The following CREBBP variants were observed in gnomAD, a reference collection of about 807,000 sequenced individuals.
The protein encoded by CREBBP is CREB binding lysine acetyltransferase.
A neutral mutation model predicts 265.0 loss-of-function variants in CREBBP; 19 were observed. The observed-to-expected ratio is 0.07, with a 90% CI of 0.05 to 0.11. The LOEUF (loss-of-function observed/expected upper bound fraction) is 0.11, where lower values mean the gene tolerates loss of function less well. CREBBP is among the 10% of genes least tolerant of loss of function. CREBBP has a pLI of 1.00. For synonymous variants in CREBBP, 1,457 were observed against 1,223.7 expected (o/e 1.19, Z -3.98); for missense variants, 2,525 against 3,219.0 (o/e 0.78, Z 5.22).
In CREBBP at chr16:3,770,724, G is replaced by A. The variant is rs757905988; in HGVS notation, c.2726C>T (p.Ala909Val). The A allele has an allele frequency of 1.2e-5, 20 of 1,614,004 alleles. No individual in the cohort carries two copies. ...PTPTPGSVPS[A>V]TQTQSTPTVQ... ...TGTAGGGGTGCTCTGGGTTTGGGTA[G>A]CACTGGGCACTGAGCCAGGAGTCGG... Residue 909 changes from alanine to valine, a missense_variant, in exon 14 of 31, where the codon GCT (alanine) becomes GTT (valine). Physicochemically the swap from Ala to Val is moderately conservative, Grantham distance 64 (BLOSUM62 0). This residue lies in a region of CREBBP where 548 missense variants were observed against 533.0 expected (regional missense o/e 1.03). Coordinates refer to ENST00000262367, the MANE Select transcript of CREBBP (RefSeq NM_004380.3).
chr16:3,866,594 ATTTT>A (rs923359817), intron 1 of CREBBP, among the ~76,000 whole-genome samples: 3 of 152,166 alleles, frequency 2.0e-5, no homozygotes, highest in South Asian at 2.1e-4. Flanking sequence ...TTTGTTTTGA[ATTTT>A]TTTAACTAGT....
chr16:3,737,620 G>A (rs897824121), intron 26 of CREBBP, among the ~76,000 whole-genome samples: 3 of 151,556 alleles, frequency 2.0e-5, no homozygotes, highest in Non-Finnish European at 2.9e-5. Flanking sequence ...CCGCCACCAC[G>A]CCTGGCTCAT....
chr16:3,810,402 C>CTCTCCTGTTGCTAG (rs1312510019), intron 3 of CREBBP, among the ~76,000 whole-genome samples: 3 of 151,958 alleles, frequency 2.0e-5, no homozygotes, highest in African/African-American at 7.3e-5. Context: ...GCTGAATCAT[C>CTCTCCTGTTGCTAG]CTCACCTATC....
chr16:3,833,907 A>G (rs2054391881), intron 2 of CREBBP, among the ~76,000 whole-genome samples: 1 of 152,216 alleles, frequency 6.6e-6, no homozygotes, highest in Non-Finnish European at 1.5e-5. Flanking sequence ...ATTTACAAAA[A>G]TATATAAAGA....
chr16:3,835,603 G>A (rs996748346), intron 2 of CREBBP, among the ~76,000 whole-genome samples: 5 of 135,698 alleles, frequency 3.7e-5, no homozygotes, highest in Non-Finnish European at 4.6e-5. Context: ...TTTTTGAGAC[G>A]GAGTCTTGCT....
At chr16:3,775,575 A>G (rs2053118139) in intron 11 of CREBBP, among the ~76,000 whole-genome samples, 1 of 152,216 alleles carries the variant, frequency 6.6e-6, no homozygotes, top group Non-Finnish European at 1.5e-5. Context: ...GCTACCTAGA[A>G]ATGGTACCCT....
chr16:3,765,016 G>C (rs998109388), intron 16 of CREBBP, among the ~76,000 whole-genome samples: 5 of 150,950 alleles, frequency 3.3e-5, no homozygotes, highest in Non-Finnish European at 7.4e-5. Flanking sequence ...GTCTCGCTCT[G>C]TCTCCCAGGC....
At chr16:3,736,249 GC>G (rs748129414) in intron 27 of CREBBP, 46 bp from the exon 28 acceptor site, 3 of 1,592,320 alleles carry the variant, frequency 1.9e-6, no homozygotes, top group South Asian at 1.1e-5. Flanking sequence ...ATGCACGCGT[GC>G]CCCCCACCAT....
intron 3 of CREBBP, among the ~76,000 whole-genome samples, chr16:3,803,293 T>G (rs1285993464): frequency 5.6e-5 from 4 of 71,040 alleles, no homozygotes; most frequent in African/African-American, 1.2e-4. Flanking sequence ...GATCACGAGG[T>G]CAGGAGTTCA....
intron 16 of CREBBP, chr16:3,767,493 C>G: frequency 3.2e-6 from 2 of 617,044 alleles, no homozygotes; most frequent in Admixed American, 3.0e-5. Context: ...TGGGTGCCCT[C>G]GGAGCAGCAG....
rs573493187 is a variant in CREBBP, at chr16:3,730,012, G to A, written c.5173-138C>T. ...AGGATAGGAGACCCAGACAGGATGC[G>A]AGCACGGACAGGTGGGAGACCCGGA... On this transcript the variant is annotated intron_variant, in intron 30 of 30. Coordinates refer to ENST00000262367, the MANE Select transcript of CREBBP (RefSeq NM_004380.3). The A allele has an allele frequency of 1.4e-5, 20 of 1,419,520 alleles. No individual in the cohort carries two copies. The African/African-American group carries it at 1.7e-4, about 12-fold the overall frequency. 87.9% of individuals were successfully genotyped at this position (1,419,520 alleles called of 1,614,324 possible).
chr16:3,740,425 C>T lies in CREBBP; in HGVS notation c.4107G>A (p.Val1369=), dbSNP rs2151340047. The change falls in exon 24 of 31, where the codon GTG becomes GTA. Residue 1369 remains valine (V), a synonymous_variant. Transcript: ENST00000262367. ...VRVVASSDKT[V]EVKPGMKSRF... Reference sequence around the variant, plus strand: ...GTGACTTCATCCCGGGCTTGACCTCCACCGTCTTGTCTGAGCTGGCCACCA... The same window carrying T: ...GTGACTTCATCCCGGGCTTGACCTCTACCGTCTTGTCTGAGCTGGCCACCA... 1 of 1,614,192 alleles carries T rather than the reference C, an allele frequency of 6.2e-7. No homozygotes were observed. Among genetic ancestry groups the T allele is most frequent in the Non-Finnish European group, 8.5e-7 (1 of 1,180,034 alleles).
chr16:3,727,707 C>A lies in CREBBP; in HGVS notation c.*11G>T, dbSNP rs1386623585. On this transcript the variant is annotated 3_prime_UTR_variant, in exon 31 of 31. Coordinates refer to ENST00000262367, the MANE Select transcript of CREBBP (RefSeq NM_004380.3). The stretch of plus-strand genomic sequence containing the variant: ...AGAACATGAAAGGGAAAAGGTGATG[C>A]TCTCACAATGCTACAAGCCCTCCAC... The A allele has an allele frequency of 6.2e-7, 1 of 1,614,056 alleles. No individual in the cohort carries two copies. Among genetic ancestry groups the A allele is most frequent in the Non-Finnish European group, 8.5e-7 (1 of 1,180,024 alleles).
At chr16:3,875,784 T>A (rs889524440) in intron 1 of CREBBP, among the ~76,000 whole-genome samples, 1 of 152,188 alleles carries the variant, frequency 6.6e-6, no homozygotes, top group African/African-American at 2.4e-5. Context: ...AGTAACAGCA[T>A]CTTCCCTTCC....
chr16:3,870,150 A>G (rs2055264732), intron 1 of CREBBP, among the ~76,000 whole-genome samples: 1 of 152,364 alleles, frequency 6.6e-6, no homozygotes, highest in Non-Finnish European at 1.5e-5. Flanking sequence ...TTATAAAAAA[A>G]AAAAATCACA....
chr16:3,782,822 T>A lies in CREBBP; in HGVS notation c.1435A>T (p.Ser479Cys). The A allele has an allele frequency of 6.2e-7, 1 of 1,614,160 alleles. No individual in the cohort carries two copies. The change falls in exon 6 of 31, where the codon AGC (serine) becomes TGC (cysteine). Residue 479 changes from serine (S) to cysteine (C), a missense_variant. Physicochemically the swap from Ser to Cys is moderately radical, Grantham distance 112. Transcript: ENST00000262367. ...SLSNPNPIDP[S>C]SMQRAYAALG... ...GCAGCATAGGCTCGCTGCATGGAGC[T>A]GGGGTCTATGGGATTTGGGTTACTT...
At chr16:3,819,579 T>C (rs950700838) in intron 2 of CREBBP, among the ~76,000 whole-genome samples, 12 of 152,222 alleles carry the variant, frequency 7.9e-5, no homozygotes, top group Non-Finnish European at 1.5e-4. Flanking sequence ...ATTTGGATTA[T>C]GGGACATTTT....
intron 15 of CREBBP, among the ~76,000 whole-genome samples, chr16:3,768,307 G>C (rs1031761806): frequency 6.6e-6 from 1 of 151,474 alleles, no homozygotes; most frequent in African/African-American, 2.4e-5. Flanking sequence ...CACCACACTC[G>C]GCTAATTTTT....
intron 9 of CREBBP, among the ~76,000 whole-genome samples, 165 bp downstream of exon 9, chr16:3,778,535 G>T (rs982719299): frequency 1.3e-5 from 2 of 152,214 alleles, no homozygotes; most frequent in African/African-American, 4.8e-5. Flanking sequence ...GAGTTCTGCA[G>T]GAGATTTGTG....
Sources: gnomAD v4.1 joint callset for allele counts (sites outside exome capture counted in the v4.1 genomes callset) on GRCh38, gnomAD v4.1.1 for gene constraint, gnomAD v4.1.1 regional missense constraint, MANE v1.5 for transcripts, NCBI Gene and HGNC (gene_info 2026-07-23, HGNC 2026-07-21) for gene names.